NLRP4: variants seen among roughly 807,000 people sequenced by gnomAD.
NLRP4 encodes the protein NACHT, LRR and PYD domains-containing protein 4.
NLRP4 carries 44 observed loss-of-function variants against 84.7 expected under a neutral mutation model. That is an observed-to-expected ratio of 0.52 (90% confidence interval 0.41 to 0.67). The LOEUF (loss-of-function observed/expected upper bound fraction) is 0.67, where lower values mean the gene tolerates loss of function less well. Ranked by LOEUF, NLRP4 falls within the 30% of genes least tolerant of loss-of-function variation. NLRP4 has a pLI of 0.00. For synonymous variants in NLRP4, 544 were observed against 476.4 expected, an observed-to-expected ratio of 1.14 and a Z score of -1.85; for missense variants, 1,260 against 1,219.4, an observed-to-expected ratio of 1.03 and a Z score of -0.50.
chr19:55,861,047 TGGCTCTCCTGTTACAGTGGGG>T (rs1322719107), intron 3 of NLRP4, among the ~76,000 whole-genome samples: 1 of 152,174 alleles, frequency 6.6e-6, no homozygotes, highest in African/African-American at 2.4e-5. Flanking sequence ...TTTTGGGGGC[TGGCTCTCCTGTTACAGTGGGG>T]GGCTCTCCTG....
chr19:55,841,239 A>G (rs1458376656), intron 1 of NLRP4, among the ~76,000 whole-genome samples: 1 of 152,196 alleles, frequency 6.6e-6, no homozygotes. Context: ...TGCGCTTTCT[A>G]ACTGTAAGCG....
intron 3 of NLRP4, among the ~76,000 whole-genome samples, chr19:55,860,052 C>G (rs1416911321): frequency 7.3e-6 from 1 of 136,504 alleles, no homozygotes; most frequent in Non-Finnish European, 1.5e-5. Context: ...GTGGCGAGAT[C>G]TTGGCTCACT....
chr19:55,870,445 C>G (rs1022594464), intron 6 of NLRP4, among the ~76,000 whole-genome samples: 1 of 152,148 alleles, frequency 6.6e-6, no homozygotes, highest in Non-Finnish European at 1.5e-5. Context: ...GGCAGATCAC[C>G]TGAGGTCCGG....
intron 1 of NLRP4, among the ~76,000 whole-genome samples, chr19:55,848,288 T>C (rs1983874929): frequency 6.6e-6 from 1 of 152,066 alleles, no homozygotes; most frequent in Non-Finnish European, 1.5e-5. Context: ...TACCACTTGC[T>C]ACCCATGTTG....
At chr19:55,880,712 C>G (rs909562041) in intron 9 of NLRP4, among the ~76,000 whole-genome samples, 1 of 152,098 alleles carries the variant, frequency 6.6e-6, no homozygotes, top group Non-Finnish European at 1.5e-5. Flanking sequence ...GACCAAGACA[C>G]GGTGATACTT....
At chr19:55,877,502 C>T (rs1161761873) in intron 8 of NLRP4, among the ~76,000 whole-genome samples, 6 of 152,092 alleles carry the variant, frequency 3.9e-5, no homozygotes, top group Non-Finnish European at 8.8e-5. Context: ...GTAACTGGGC[C>T]ACGTCTCATT....
intron 6 of NLRP4, among the ~76,000 whole-genome samples, chr19:55,868,667 T>C (rs939252503): frequency 6.6e-6 from 1 of 152,096 alleles, no homozygotes; most frequent in African/African-American, 2.4e-5. Flanking sequence ...CATGCCTGGC[T>C]AATTTTGTAT....
At chr19:55,848,866 C>T in intron 1 of NLRP4, among the ~76,000 whole-genome samples, 1 of 152,106 alleles carries the variant, frequency 6.6e-6, no homozygotes, top group African/African-American at 2.4e-5. Flanking sequence ...TTCCCCCATA[C>T]TGTTCTCCTA....
chr19:55,869,232 T>C (rs946609327), intron 6 of NLRP4, among the ~76,000 whole-genome samples: 8 of 151,952 alleles, frequency 5.3e-5, no homozygotes, highest in African/African-American at 1.9e-4. Flanking sequence ...TGGTGGTGCA[T>C]ACCTGTAGTC....
chr19:55,862,995 G>A (rs539463165), intron 5 of NLRP4, among the ~76,000 whole-genome samples: 1 of 152,268 alleles, frequency 6.6e-6, no homozygotes, highest in Non-Finnish European at 1.5e-5. Flanking sequence ...GTGCACATTC[G>A]ACAGAGGGAC....
At chr19:55,855,506 T>C (rs1984375624) in intron 2 of NLRP4, among the ~76,000 whole-genome samples, 1 of 152,232 alleles carries the variant, frequency 6.6e-6, no homozygotes, top group Non-Finnish European at 1.5e-5. Flanking sequence ...GATGGCATTT[T>C]CACCAGTTAG....
At chr19:55,838,035 C>CCAAAAAAAAAAAGGAAAATGGCCCCA (rs59078329) in intron 1 of NLRP4, among the ~76,000 whole-genome samples, 3 of 132,658 alleles carry the variant, frequency 2.3e-5, no homozygotes, top group African/African-American at 9.1e-5. Context: ...GACTCGGTCT[C>CCAAAAAAAAAAAGGAAAATGGCCCCA]AAGCTGGATG....
Position 55,859,926 on chromosome 19 carries a change from CAAAAAAAAAAAAAAAAA to C in NLRP4, c.1856+687_1856+703del, listed in dbSNP as rs1166037425. Among the ~76,000 whole-genome samples the C allele has an allele frequency of 1.1e-4, 2 of 17,494 alleles. 1 individual carries two copies. The highest frequency in any genetic ancestry group is 4.4e-4 in the African/African-American group (2 of 4,546). 11.5% of individuals were successfully genotyped at this position (17,494 alleles called of 152,430 possible). The stretch of plus-strand genomic sequence containing the variant: ...TGGGTGACAGTGAGACTCTCATCTC[CAAAAAAAAAAAAAAAAA>C]AAAAAAAAACAAAACACAAATCATA... On this transcript the variant is annotated intron_variant, in intron 3 of 9. Coordinates refer to ENST00000301295, the MANE Select transcript of NLRP4 (RefSeq NM_134444.5).
At chr19:55,840,915 T>C (rs1298545852) in intron 1 of NLRP4, among the ~76,000 whole-genome samples, 1 of 152,182 alleles carries the variant, frequency 6.6e-6, no homozygotes, top group Non-Finnish European at 1.5e-5. Flanking sequence ...AGTCGTGCAA[T>C]AAATGGAATG....
chr19:55,839,774 A>G (rs138684126), intron 1 of NLRP4, among the ~76,000 whole-genome samples: 1 of 151,940 alleles, frequency 6.6e-6, no homozygotes, highest in East Asian at 1.9e-4. Context: ...TATTTTTTCT[A>G]CTTTCTTTTG....
At chr19:55,843,006 A>G (rs200146858) in intron 1 of NLRP4, among the ~76,000 whole-genome samples, 32 of 152,092 alleles carry the variant, frequency 2.1e-4, no homozygotes, top group African/African-American at 5.1e-4. Flanking sequence ...TGATCCGCCC[A>G]CCTCGGCCTC....
chr19:55,864,579 T>C (rs2123046092), intron 5 of NLRP4, among the ~76,000 whole-genome samples: 1 of 152,308 alleles, frequency 6.6e-6, no homozygotes, highest in Non-Finnish European at 1.5e-5. Context: ...TAACCAGGAG[T>C]AGACTTGCTA....
intron 1 of NLRP4, among the ~76,000 whole-genome samples, chr19:55,850,106 T>TTTCCGTGGCTGCGGTG (rs1647589098): frequency 2.9e-5 from 4 of 138,350 alleles, no homozygotes; most frequent in African/African-American, 8.2e-5. Flanking sequence ...TGCGGTGTAA[T>TTTCCGTGGCTGCGGTG]TACCGTAGCT....
chr19:55,876,688 A>G (rs764601977), intron 7 of NLRP4, among the ~76,000 whole-genome samples: 4 of 152,160 alleles, frequency 2.6e-5, no homozygotes, highest in African/African-American at 9.7e-5. Context: ...TATAATGTAC[A>G]GGCATCTTCC....
Sources: gnomAD v4.1 joint callset for allele counts (sites outside exome capture counted in the v4.1 genomes callset) on GRCh38, gnomAD v4.1.1 for gene constraint, MANE v1.5 for transcripts, NCBI Gene and HGNC (gene_info 2026-07-23, HGNC 2026-07-21) for gene names.